PTPRG: variants seen among roughly 807,000 people sequenced by gnomAD.
The protein encoded by PTPRG is receptor-type tyrosine-protein phosphatase gamma.
A neutral mutation model predicts 165.3 loss-of-function variants in PTPRG; 102 were observed. That is an observed-to-expected ratio of 0.62 (90% confidence interval 0.53 to 0.73). The LOEUF is 0.73. Ranked by LOEUF, PTPRG falls within the 30% of genes least tolerant of loss-of-function variation. The pLI is 0.00. For missense variants in PTPRG, 1,866 were observed against 1,861.4 expected, an observed-to-expected ratio of 1.00 and a Z score of -0.05; for synonymous variants, 675 against 669.5, an observed-to-expected ratio of 1.01 and a Z score of -0.13.
chr3:61,995,080 C>CTTTTTTTTTTTTTTTTTTTTTTT (rs1233679653), intron 3 of PTPRG, among the ~76,000 whole-genome samples: 2 of 107,400 alleles, frequency 1.9e-5, no homozygotes, highest in African/African-American at 4.1e-5. Flanking sequence ...TCTTTTCTTT[C>CTTTTTTTTTTTTTTTTTTTTTTT]TTTCTTTTTT....
chr3:62,188,575 G>A (rs1699722367), intron 8 of PTPRG, among the ~76,000 whole-genome samples: 1 of 151,974 alleles, frequency 6.6e-6, no homozygotes, highest in South Asian at 2.1e-4. Context: ...GTACTACTTG[G>A]GTTCCTTTTT....
intron 4 of PTPRG, among the ~76,000 whole-genome samples, chr3:62,073,081 A>T (rs1242382917): frequency 2.9e-5 from 4 of 137,316 alleles, no homozygotes; most frequent in Non-Finnish European, 4.6e-5. Context: ...AATGTTAGTA[A>T]TGGAATCTGA....
intron 1 of PTPRG, among the ~76,000 whole-genome samples, chr3:61,656,600 C>T (rs1379912261): frequency 6.6e-6 from 1 of 152,108 alleles, no homozygotes; most frequent in African/African-American, 2.4e-5. Flanking sequence ...CTTCTCCAAG[C>T]GTATTCTTGG....
intron 2 of PTPRG, among the ~76,000 whole-genome samples, chr3:61,899,724 G>T (rs1487719622): frequency 2.0e-5 from 3 of 152,164 alleles, no homozygotes; most frequent in Non-Finnish European, 4.4e-5. Context: ...GGGGGCAGGG[G>T]GACAGGCATC....
At chr3:61,606,529 A>G (rs1701013322) in intron 1 of PTPRG, among the ~76,000 whole-genome samples, 1 of 152,214 alleles carries the variant, frequency 6.6e-6, no homozygotes, top group African/African-American at 2.4e-5. Flanking sequence ...CTAAGGAGAG[A>G]AGTTCTTCTG....
At chr3:61,749,500 T>G (rs1291313416) in intron 2 of PTPRG, 1 of 212,738 alleles carries the variant, frequency 4.7e-6, no homozygotes. Flanking sequence ...TTTTTATTTT[T>G]ACTTTTACCC....
At chr3:61,887,642 G>A (rs1051943248) in intron 2 of PTPRG, among the ~76,000 whole-genome samples, 1 of 151,800 alleles carries the variant, frequency 6.6e-6, no homozygotes, top group Non-Finnish European at 1.5e-5. Context: ...ACATTACGTG[G>A]TTTGACTACT....
chr3:61,680,838 G>A (rs902362659), intron 1 of PTPRG, among the ~76,000 whole-genome samples: 1 of 107,806 alleles, frequency 9.3e-6, no homozygotes, highest in Admixed American at 1.0e-4. Context: ...GGTGCCTGCT[G>A]TGTAACTTGC....
chr3:62,281,341 T>TAACA (rs1272464159), intron 26 of PTPRG, among the ~76,000 whole-genome samples: 3 of 151,932 alleles, frequency 2.0e-5, no homozygotes, highest in Admixed American at 2.0e-4. Flanking sequence ...GTTGCTACAC[T>TAACA]AACAGGTGAG....
rs201689140 is a variant in PTPRG, at chr3:61,592,644, TC to T, written c.85+30273del. ...TTCTCTCTCTTTTTCTTTCTTTCTT[TC>T]TTTCTTTTTTTTTTTTTTTAAGAAA... On this transcript the variant is annotated intron_variant, in intron 1 of 29. Coordinates refer to ENST00000474889, the MANE Select transcript of PTPRG (RefSeq NM_002841.4). 8.3e-4 allele frequency among the ~76,000 whole-genome samples: 124 copies of T among 149,444 alleles called. 2 individuals are homozygous for T. Among genetic ancestry groups the T allele is most frequent in the African/African-American group, 2.9e-3 (116 of 40,230 alleles).
At chr3:61,668,773 G>A (rs933861881) in intron 1 of PTPRG, among the ~76,000 whole-genome samples, 7 of 152,070 alleles carry the variant, frequency 4.6e-5, no homozygotes, top group Non-Finnish European at 8.8e-5. Flanking sequence ...CACAACAAAT[G>A]TGACTCTCAG....
chr3:61,646,312 T>C (rs944007629), intron 1 of PTPRG, among the ~76,000 whole-genome samples: 2 of 152,180 alleles, frequency 1.3e-5, no homozygotes, highest in African/African-American at 4.8e-5. Flanking sequence ...GGTTTTGCCA[T>C]GTTGTCCAGG....
chr3:62,111,034 T>G (rs1702650788), intron 5 of PTPRG, among the ~76,000 whole-genome samples: 1 of 152,198 alleles, frequency 6.6e-6, no homozygotes, highest in Admixed American at 6.5e-5. Context: ...ATTCTAGCTT[T>G]GGAACCTTTA....
At chr3:61,924,753 A>G (rs534743782) in intron 2 of PTPRG, among the ~76,000 whole-genome samples, 3 of 152,320 alleles carry the variant, frequency 2.0e-5, no homozygotes, top group African/African-American at 4.8e-5. Context: ...TGAGGGTCAT[A>G]TGGTCTCTGC....
At chr3:61,664,091 T>C (rs1702742715) in intron 1 of PTPRG, among the ~76,000 whole-genome samples, 1 of 152,228 alleles carries the variant, frequency 6.6e-6, no homozygotes, top group South Asian at 2.1e-4. Flanking sequence ...CTTTCTGTTT[T>C]GGCAGAATTA....
At position 61,639,746 on chromosome 3, in the gene PTPRG, A is replaced by G. The variant is rs577134743; in HGVS notation, c.85+77374A>G. ...GTCTATAGAAATGCTACTGGTTTTT[A>G]TACATTAATTTTGTATCTCGAAACT... On this transcript the variant is annotated intron_variant, in intron 1 of 29. Coordinates refer to ENST00000474889, the MANE Select transcript of PTPRG (RefSeq NM_002841.4). 2.6e-5 allele frequency among the ~76,000 whole-genome samples: 4 copies of G among 152,218 alleles called. No homozygotes were observed. In the South Asian group the frequency reaches 8.3e-4, roughly 32 times the overall value.
chr3:61,920,338 C>CGGA (rs1301577649), intron 2 of PTPRG, among the ~76,000 whole-genome samples: 1,621 of 152,306 alleles, frequency 0.011, 34 homozygotes, highest in South Asian at 0.093. Flanking sequence ...GAATGAGCAT[C>CGGA]TACTGAGTGT....
intron 2 of PTPRG, among the ~76,000 whole-genome samples, chr3:61,778,007 A>G (rs548725600): frequency 3.2e-4 from 49 of 152,268 alleles, no homozygotes; most frequent in Middle Eastern, 3.4e-3. Flanking sequence ...TCACTCATTC[A>G]TTCATTCATG....
At chr3:62,128,619 T>C (rs1013233166) in intron 5 of PTPRG, among the ~76,000 whole-genome samples, 2 of 151,334 alleles carry the variant, frequency 1.3e-5, no homozygotes, top group Non-Finnish European at 2.9e-5. Flanking sequence ...TTAATCCTCA[T>C]GACAACATTA....
Sources: allele counts gnomAD v4.1 joint callset (sites outside exome capture counted in the v4.1 genomes callset), GRCh38; gene constraint gnomAD v4.1.1; transcripts MANE v1.5; gene names NCBI Gene and HGNC (gene_info 2026-07-23, HGNC 2026-07-21).